The following MTUS1 variants were observed in gnomAD, a reference collection of about 807,000 sequenced individuals.
MTUS1 encodes the protein microtubule associated scaffold protein 1.
In MTUS1, 109 loss-of-function variants were observed where a neutral mutation model predicts 120.8. That is an observed-to-expected ratio of 0.90 (90% CI 0.77 to 1.06). MTUS1 has a LOEUF of 1.06. MTUS1 is among the 50% of genes least tolerant of loss of function. The pLI, the probability that MTUS1 is intolerant of heterozygous loss-of-function variation, is 0.00. For synonymous variants in MTUS1, 737 were observed against 550.5 expected, an observed-to-expected ratio of 1.34 and a Z score of -4.74; for missense variants, 2,210 against 1,486.3, an observed-to-expected ratio of 1.49 and a Z score of -8.01.
intron 6 of MTUS1, among the ~76,000 whole-genome samples, chr8:17,700,434 C>A (rs1192936653): frequency 1.7e-5 from 2 of 114,980 alleles, no homozygotes; most frequent in African/African-American, 3.3e-5. Flanking sequence ...TGTGCCATTG[C>A]ACTCCAGCCT....
intron 8 of MTUS1, among the ~76,000 whole-genome samples, chr8:17,671,194 G>A (rs1285576887): frequency 6.6e-6 from 1 of 151,776 alleles, no homozygotes; most frequent in Non-Finnish European, 1.5e-5. Flanking sequence ...AAGGGAATAT[G>A]CAAATAAAGT....
chr8:17,772,160 C>CT (rs1376605562), intron 1 of MTUS1, among the ~76,000 whole-genome samples: 1 of 152,180 alleles, frequency 6.6e-6, no homozygotes, highest in Admixed American at 6.5e-5. Context: ...GGATAAAACT[C>CT]TAATTTTTAT....
At chr8:17,784,964 T>C (rs1319308653) in intron 1 of MTUS1, among the ~76,000 whole-genome samples, 4 of 151,952 alleles carry the variant, frequency 2.6e-5, no homozygotes, top group Non-Finnish European at 5.9e-5. Flanking sequence ...TTTGTATTTT[T>C]TGTAGAAACG....
At chr8:17,793,976 C>G (rs1197583336) in intron 1 of MTUS1, among the ~76,000 whole-genome samples, 1 of 151,976 alleles carries the variant, frequency 6.6e-6, no homozygotes, top group East Asian at 1.9e-4. Flanking sequence ...TCTTTTTTTT[C>G]TCTTCTACCT....
chr8:17,676,386 G>A (rs1417282298), intron 7 of MTUS1: 6 of 701,688 alleles, frequency 8.6e-6, no homozygotes, highest in Non-Finnish European at 1.3e-5. Flanking sequence ...GAAGCATACA[G>A]GTGGCCGCGC....
rs1335249132 is a variant in MTUS1 at position 17,755,816 on chromosome 8, G to A, written c.-9C>T. The A allele has an allele frequency of 1.2e-6, 2 of 1,607,492 alleles. No homozygotes were observed. The highest frequency in any genetic ancestry group is 1.3e-5 in the African/African-American group (1 of 74,788). ...GAATTATCATCAGTCATCCTGAATA[G>A]TAACCTTAAACCTCTGCCATTTTAT... On this transcript the variant is annotated 5_prime_UTR_variant, in exon 2 of 15. Transcript: ENST00000693296.
At chr8:17,756,860 G>A (rs1202584453) in intron 1 of MTUS1, among the ~76,000 whole-genome samples, 8 of 152,168 alleles carry the variant, frequency 5.3e-5, no homozygotes, top group Non-Finnish European at 1.0e-4. Flanking sequence ...ACACTGAGAA[G>A]AGTAGGAGAG....
At chr8:17,648,741 C>G (rs1806347881) in intron 13 of MTUS1, among the ~76,000 whole-genome samples, 1 of 152,238 alleles carries the variant, frequency 6.6e-6, no homozygotes, top group Admixed American at 6.5e-5. Flanking sequence ...GAGAGGTCCC[C>G]CATGTCCCCT....
At chr8:17,646,447 G>A (rs967268778) in intron 14 of MTUS1, among the ~76,000 whole-genome samples, 3 of 152,048 alleles carry the variant, frequency 2.0e-5, no homozygotes, top group Admixed American at 2.0e-4. Context: ...AATTAGTCAC[G>A]CATGGTGACA....
rs182713323 is a variant in MTUS1 at position 17,741,941 on chromosome 8, T to C, written c.2287+1663A>G. ...CTCAGGCAGCGTATTGGGGCCAGAGTGGAACTAAAACACAGGGCTCCTAAC... is the reference window on the plus strand; with the variant it reads ...CTCAGGCAGCGTATTGGGGCCAGAGCGGAACTAAAACACAGGGCTCCTAAC... On this transcript the variant is annotated intron_variant, in intron 3 of 14. Coordinates refer to ENST00000693296, the MANE Select transcript of MTUS1 (RefSeq NM_001363059.2). 2.4e-3 allele frequency among the ~76,000 whole-genome samples: 359 copies of C among 151,936 alleles called. 3 individuals are homozygous for C. The highest frequency in any genetic ancestry group is 8.4e-3 in the African/African-American group (349 of 41,456).
intron 1 of MTUS1, among the ~76,000 whole-genome samples, chr8:17,768,015 T>C (rs1398912558): frequency 1.3e-5 from 2 of 152,206 alleles, no homozygotes; most frequent in Non-Finnish European, 1.5e-5. Flanking sequence ...GCCACTGCTG[T>C]GTCCTCTGCC....
At chr8:17,711,035 T>G (rs1403266794) in intron 6 of MTUS1, among the ~76,000 whole-genome samples, 1 of 152,210 alleles carries the variant, frequency 6.6e-6, no homozygotes, top group Non-Finnish European at 1.5e-5. Context: ...CAAACCATAC[T>G]GTAAACAAAT....
intron 7 of MTUS1, among the ~76,000 whole-genome samples, chr8:17,683,690 C>T (rs1023692797): frequency 2.0e-5 from 3 of 152,038 alleles, no homozygotes; most frequent in Non-Finnish European, 4.4e-5. Context: ...TTATCAGTTG[C>T]CCCCTGAGAT....
chr8:17,709,215 C>T (rs376045577), intron 6 of MTUS1, among the ~76,000 whole-genome samples: 1 of 151,892 alleles, frequency 6.6e-6, no homozygotes, highest in Admixed American at 6.6e-5. Flanking sequence ...ACTGAATACA[C>T]CTGATGGGGC....
At chr8:17,702,120 T>C (rs1457714057) in intron 6 of MTUS1, among the ~76,000 whole-genome samples, 1 of 152,222 alleles carries the variant, frequency 6.6e-6, no homozygotes, top group Non-Finnish European at 1.5e-5. Flanking sequence ...AATAAATTAC[T>C]TTCCTAGGAC....
intron 3 of MTUS1, among the ~76,000 whole-genome samples, chr8:17,734,813 A>T (rs956851283): frequency 6.6e-6 from 1 of 152,242 alleles, no homozygotes; most frequent in African/African-American, 2.4e-5. Context: ...GAAGGTGCAC[A>T]GTGAGCCTCC....
intron 1 of MTUS1, among the ~76,000 whole-genome samples, chr8:17,760,384 T>C (rs972173236): frequency 4.6e-5 from 7 of 152,084 alleles, no homozygotes; most frequent in Non-Finnish European, 7.4e-5. Flanking sequence ...GTACAGGGAT[T>C]TGGATATCAA....
chr8:17,678,412 G>T (rs3862092), intron 7 of MTUS1, among the ~76,000 whole-genome samples: 117,723 of 151,866 alleles, frequency 0.78, 46,166 homozygotes, highest in East Asian at 0.96. Context: ...TTTATGCTCA[G>T]GCATTAAATA....
At chr8:17,778,834 A>AAAT (rs1474590414) in intron 1 of MTUS1, among the ~76,000 whole-genome samples, 4 of 152,154 alleles carry the variant, frequency 2.6e-5, no homozygotes, top group Non-Finnish European at 5.9e-5. Context: ...ATAAAAATAA[A>AAAT]GAAGACACTG....
Sources: allele counts gnomAD v4.1 joint callset (sites outside exome capture counted in the v4.1 genomes callset), GRCh38; gene constraint gnomAD v4.1.1; transcripts MANE v1.5; gene names NCBI Gene and HGNC (gene_info 2026-07-23, HGNC 2026-07-21).